The following FGGY variants were observed in gnomAD, a reference collection of about 807,000 sequenced individuals.
FGGY encodes FGGY carbohydrate kinase domain-containing protein.
In FGGY, 72 loss-of-function variants were observed where a neutral mutation model predicts 71.3. The ratio of observed to expected loss-of-function variants is 1.01; its 90% CI spans 0.84 to 1.23. The LOEUF is 1.23. FGGY is among the 50% of genes most tolerant of loss of function. The probability of loss-of-function intolerance (pLI) is 0.00; values close to 1 mark genes in which losing one functional copy is unlikely to be tolerated. For synonymous variants in FGGY, 251 were observed against 250.3 expected (o/e 1.00, Z -0.02); for missense variants, 668 against 682.3 (o/e 0.98, Z 0.23).
rs1169054715 is a variant in FGGY, at chr1:59,675,133, A to T, written c.1512+1000A>T. Among the ~76,000 whole-genome samples the T allele has an allele frequency of 2.0e-5, 3 of 152,342 alleles. No homozygotes were observed. The East Asian group carries it at 5.8e-4, about 29-fold the overall frequency. ...GAAACAGCTAGTAAATGCCAGAATC[A>T]AGAAGTCTGGCTCCCACTTCTCAAC... is the stretch of plus-strand genomic sequence containing the variant. On this transcript the variant is annotated intron_variant, in intron 14 of 15. Transcript: ENST00000303721.
chr1:59,586,142 C>G lies in FGGY; in HGVS notation c.904-21661C>G, dbSNP rs1420840057. Reference sequence around the variant, plus strand: ...CTAGAACTAGAAATACCATTTGACCCAGCCATCCCATCACTGGGTATATAC... The same window carrying G: ...CTAGAACTAGAAATACCATTTGACCGAGCCATCCCATCACTGGGTATATAC... On this transcript the variant is annotated intron_variant, in intron 8 of 15. Coordinates refer to ENST00000303721, the MANE Select transcript of FGGY (RefSeq NM_018291.5). Among the ~76,000 whole-genome samples, 4 of 152,166 alleles carry G rather than the reference C, an allele frequency of 2.6e-5. No homozygotes were observed. In the East Asian group the frequency reaches 7.7e-4, roughly 29 times the overall value.
intron 11 of FGGY, among the ~76,000 whole-genome samples, chr1:59,652,565 T>G (rs1008966075): frequency 4.9e-5 from 7 of 144,222 alleles, no homozygotes; most frequent in Admixed American, 4.1e-4. Context: ...GGCTTCTGCA[T>G]TCTTCACGTA....
rs535020214 is a variant in FGGY at position 59,638,164 on chromosome 1, C to T, written c.1074-64C>T. ...ATCTGGAAGTACAAATGGTTTCTTT[C>T]TATAGAATGATTTGCTCCCTGACCC... On this transcript the variant is annotated intron_variant, in intron 10 of 15. Transcript: ENST00000303721. 149 of 1,515,676 alleles carry T rather than the reference C, an allele frequency of 9.8e-5. 1 individual carries two copies. In the South Asian group the frequency reaches 1.7e-3, roughly 18 times the overall value. 93.9% of individuals were successfully genotyped at this position (1,515,676 alleles called of 1,614,324 possible).
chr1:59,626,155 G>T, intron 10 of FGGY, 106 bp downstream of exon 10: 3 of 811,424 alleles, frequency 3.7e-6, no homozygotes, highest in Non-Finnish European at 6.1e-6. Flanking sequence ...CAATGAAAAT[G>T]CCTGTTAGTG....
chr1:59,368,959 C>T (rs182174381), intron 4 of FGGY, among the ~76,000 whole-genome samples: 21 of 152,204 alleles, frequency 1.4e-4, no homozygotes, highest in Admixed American at 1.0e-3. Context: ...GGAACAGCTC[C>T]GGTCTACAGC....
intron 2 of FGGY, among the ~76,000 whole-genome samples, chr1:59,323,120 T>A (rs2046698181): frequency 6.6e-6 from 1 of 152,220 alleles, no homozygotes; most frequent in African/African-American, 2.4e-5. Context: ...TCTCCCCTCC[T>A]TTCAGCCCCC....
intron 8 of FGGY, among the ~76,000 whole-genome samples, chr1:59,582,415 G>A (rs1019475514): frequency 2.7e-5 from 4 of 149,898 alleles, no homozygotes; most frequent in Middle Eastern, 3.2e-3. Context: ...TCCTTAGCAA[G>A]TCTGATTATC....
chr1:59,595,734 T>C (rs1436048363), intron 8 of FGGY, among the ~76,000 whole-genome samples: 1 of 152,108 alleles, frequency 6.6e-6, no homozygotes. Context: ...AATCTCTATT[T>C]AAGCCACTCT....
intron 8 of FGGY, among the ~76,000 whole-genome samples, chr1:59,578,716 G>A (rs2096129491): frequency 6.6e-6 from 1 of 151,998 alleles, no homozygotes; most frequent in Non-Finnish European, 1.5e-5. Flanking sequence ...ATTTACCAAG[G>A]AGAAGAGAAT....
chr1:59,728,037 T>C (rs1301151827), intron 14 of FGGY, among the ~76,000 whole-genome samples: 1 of 152,182 alleles, frequency 6.6e-6, no homozygotes, highest in Admixed American at 6.5e-5. Flanking sequence ...TTTAAAGTGA[T>C]TATTGATATA....
intron 14 of FGGY, among the ~76,000 whole-genome samples, chr1:59,730,223 C>T (rs2225897): frequency 0.14 from 20,892 of 152,000 alleles, 1,922 homozygotes; most frequent in Admixed American, 0.29. Flanking sequence ...TGTCCTTTCT[C>T]TTCAGATTTC....
rs1448463437 is a variant in FGGY, at chr1:59,372,378, A to G, written c.466-6371A>G. 2.0e-5 allele frequency among the ~76,000 whole-genome samples: 3 copies of G among 152,364 alleles called. 1 individual carries two copies. The South Asian group carries it at 6.2e-4, about 32-fold the overall frequency. ...AACCAGGAAGAAGTTGAATCTCTGA[A>G]TAGACTAATAACAGGCTCTGAAATT... On this transcript the variant is annotated intron_variant, in intron 4 of 15. Transcript: ENST00000303721.
intron 9 of FGGY, among the ~76,000 whole-genome samples, chr1:59,609,036 T>C (rs2096650277): frequency 1.3e-5 from 2 of 152,122 alleles, no homozygotes; most frequent in South Asian, 4.1e-4. Context: ...AGGAAACTCT[T>C]TACAGGGGAG....
intron 14 of FGGY, among the ~76,000 whole-genome samples, chr1:59,756,977 A>G (rs761501053): frequency 6.6e-6 from 1 of 151,674 alleles, no homozygotes. Context: ...TCGTATGCAA[A>G]TCTGTATCCC....
At chr1:59,573,137 C>A (rs138659057) in intron 8 of FGGY, among the ~76,000 whole-genome samples, 283 of 152,098 alleles carry the variant, frequency 1.9e-3, no homozygotes, top group Non-Finnish European at 3.4e-3. Flanking sequence ...ACAGGAAGAT[C>A]AAAGGAGACG....
At chr1:59,310,949 A>G (rs374648255) in intron 1 of FGGY, among the ~76,000 whole-genome samples, 1 of 152,196 alleles carries the variant, frequency 6.6e-6, no homozygotes, top group South Asian at 2.1e-4. Flanking sequence ...AATTCCCCTT[A>G]TTACTACATT....
chr1:59,716,423 A>G (rs1029439951), intron 14 of FGGY, among the ~76,000 whole-genome samples: 13 of 152,168 alleles, frequency 8.5e-5, no homozygotes, highest in African/African-American at 2.9e-4. Flanking sequence ...TGAGGTTGGT[A>G]TCATTATTTT....
chr1:59,656,879 T>A (rs1461796783), intron 11 of FGGY, among the ~76,000 whole-genome samples: 1 of 152,236 alleles, frequency 6.6e-6, no homozygotes, highest in East Asian at 1.9e-4. Flanking sequence ...GCTCAGGATT[T>A]AAATTTAGTG....
chr1:59,327,171 A>G (rs2047598724), intron 2 of FGGY, among the ~76,000 whole-genome samples: 1 of 152,150 alleles, frequency 6.6e-6, no homozygotes, highest in South Asian at 2.1e-4. Flanking sequence ...TCTTTCTTTC[A>G]CAAAAGATTT....
Sources: gnomAD v4.1 joint callset for allele counts (sites outside exome capture counted in the v4.1 genomes callset) on GRCh38, gnomAD v4.1.1 for gene constraint, MANE v1.5 for transcripts, NCBI Gene and HGNC (gene_info 2026-07-23, HGNC 2026-07-21) for gene names.